Variants in TRPM3 observed in about 807,000 individuals in gnomAD.
The protein encoded by TRPM3 is long transient receptor potential channel 3.
A neutral mutation model predicts 181.2 loss-of-function variants in TRPM3; 77 were observed. The ratio of observed to expected loss-of-function variants is 0.42; its 90% CI spans 0.35 to 0.51. TRPM3 has a LOEUF of 0.51. Ranked by LOEUF, TRPM3 falls within the 20% of genes least tolerant of loss-of-function variation. The pLI, the probability that TRPM3 is intolerant of heterozygous loss-of-function variation, is 0.01. For synonymous variants in TRPM3, 745 were observed against 796.4 expected, an observed-to-expected ratio of 0.94 and a Z score of 1.09; for missense variants, 1,759 against 2,196.7, an observed-to-expected ratio of 0.80 and a Z score of 3.98.
At chr9:71,257,791 GATA>G (rs781185890) in intron 1 of TRPM3, among the ~76,000 whole-genome samples, 3 of 152,124 alleles carry the variant, frequency 2.0e-5, no homozygotes, top group Non-Finnish European at 2.9e-5. Flanking sequence ...TAGGTCTTTT[GATA>G]ATGTCATCTC....
intron 22 of TRPM3, among the ~76,000 whole-genome samples, chr9:70,584,644 C>T (rs571795118): frequency 6.6e-6 from 1 of 152,232 alleles, no homozygotes; most frequent in African/African-American, 2.4e-5. Context: ...ACCACAACAT[C>T]GTATAATCAC....
At chr9:70,800,586 C>A (rs2131208670) in intron 6 of TRPM3, among the ~76,000 whole-genome samples, 2 of 152,304 alleles carry the variant, frequency 1.3e-5, no homozygotes, top group South Asian at 4.1e-4. Context: ...TCTTCTCAGC[C>A]TACTCGGTAT....
chr9:70,635,653 G>A (rs1294576511), intron 11 of TRPM3, among the ~76,000 whole-genome samples: 1 of 151,168 alleles, frequency 6.6e-6, no homozygotes, highest in Non-Finnish European at 1.5e-5. Flanking sequence ...TAAAGATGGG[G>A]GTCTCACTAT....
At chr9:71,210,103 C>G (rs1002498692) in intron 1 of TRPM3, among the ~76,000 whole-genome samples, 4 of 152,166 alleles carry the variant, frequency 2.6e-5, no homozygotes, top group African/African-American at 9.7e-5. Flanking sequence ...ACAGCCACTC[C>G]CCATGGCTCA....
intron 1 of TRPM3, among the ~76,000 whole-genome samples, chr9:71,128,227 G>T (rs2074164771): frequency 6.6e-6 from 1 of 152,076 alleles, no homozygotes; most frequent in Admixed American, 6.6e-5. Flanking sequence ...TTCCAATAAT[G>T]GGGTGTAAAA....
At chr9:70,938,968 AT>A (rs1361731458) in intron 1 of TRPM3, among the ~76,000 whole-genome samples, 8 of 151,880 alleles carry the variant, frequency 5.3e-5, no homozygotes, top group Non-Finnish European at 1.0e-4. Context: ...AAAAAAAAAA[AT>A]AAAAATAAAA....
At chr9:71,129,796 C>G (rs1326482172) in intron 1 of TRPM3, among the ~76,000 whole-genome samples, 1 of 152,142 alleles carries the variant, frequency 6.6e-6, no homozygotes, top group Non-Finnish European at 1.5e-5. Context: ...AACCTAACAC[C>G]AGAATCCTGC....
intron 7 of TRPM3, among the ~76,000 whole-genome samples, chr9:70,767,385 A>T (rs2079356449): frequency 6.6e-6 from 1 of 152,202 alleles, no homozygotes; most frequent in South Asian, 2.1e-4. Context: ...CACTAAGTTA[A>T]ATATAGAGAT....
chr9:70,918,130 A>C (rs1320482667), intron 1 of TRPM3, among the ~76,000 whole-genome samples: 9 of 152,228 alleles, frequency 5.9e-5, no homozygotes, highest in African/African-American at 2.2e-4. Flanking sequence ...ATATAAAGCA[A>C]TGATTATTAG....
chr9:70,538,362 C>A (rs1044775979), intron 25 of TRPM3, among the ~76,000 whole-genome samples: 2 of 152,200 alleles, frequency 1.3e-5, no homozygotes, highest in African/African-American at 4.8e-5. Context: ...AACTCCTGGG[C>A]TCAAGTGATC....
At chr9:71,287,065 T>G (rs1412333517) in intron 1 of TRPM3, among the ~76,000 whole-genome samples, 1 of 141,380 alleles carries the variant, frequency 7.1e-6, no homozygotes, top group East Asian at 2.0e-4. Context: ...ATTATATAAT[T>G]TATATATTAT....
At chr9:71,349,744 T>A (rs1161646575) in intron 1 of TRPM3, among the ~76,000 whole-genome samples, 1 of 152,056 alleles carries the variant, frequency 6.6e-6, no homozygotes, top group Non-Finnish European at 1.5e-5. Flanking sequence ...TATTAGACTA[T>A]GTTGTGAAAT....
chr9:71,031,467 G>A (rs1435727226), intron 1 of TRPM3, among the ~76,000 whole-genome samples: 1 of 152,130 alleles, frequency 6.6e-6, no homozygotes, highest in Non-Finnish European at 1.5e-5. Flanking sequence ...GAGAATGGAG[G>A]CATTACAGAT....
chr9:71,166,619 T>C (rs2076553489), intron 1 of TRPM3, among the ~76,000 whole-genome samples: 1 of 152,124 alleles, frequency 6.6e-6, no homozygotes, highest in Non-Finnish European at 1.5e-5. Flanking sequence ...AAATTCAACA[T>C]GGAAATTTTA....
chr9:71,124,637 T>C (rs1196312571), upstream of TRPM3, among the ~76,000 whole-genome samples: 2 of 152,214 alleles, frequency 1.3e-5, no homozygotes, highest in African/African-American at 4.8e-5. Flanking sequence ...TGATGAAATT[T>C]GAGCTCATTC....
At chr9:71,350,812 G>C (rs917138126) in intron 1 of TRPM3, among the ~76,000 whole-genome samples, 1 of 152,072 alleles carries the variant, frequency 6.6e-6, no homozygotes, top group African/African-American at 2.4e-5. Flanking sequence ...TTTATCTTTA[G>C]TCATACAGCA....
intron 1 of TRPM3, among the ~76,000 whole-genome samples, chr9:71,195,626 T>C (rs1346207319): frequency 1.3e-5 from 2 of 152,120 alleles, no homozygotes; most frequent in East Asian, 1.9e-4. Flanking sequence ...CAAAGGAATA[T>C]AAATTGTTCT....
At chr9:71,114,887 T>C (rs2134268328) in intron 1 of TRPM3, among the ~76,000 whole-genome samples, 1 of 152,192 alleles carries the variant, frequency 6.6e-6, no homozygotes, top group African/African-American at 2.4e-5. Flanking sequence ...TTCAATAGCA[T>C]AGAAAATTCT....
intron 20 of TRPM3, among the ~76,000 whole-genome samples, chr9:70,602,935 T>G (rs866199027): frequency 6.6e-6 from 1 of 151,812 alleles, no homozygotes; most frequent in Non-Finnish European, 1.5e-5. Context: ...GAAAGCAGAG[T>G]TCCTCCTAAA....
Sources: gnomAD v4.1 joint callset for allele counts (sites outside exome capture counted in the v4.1 genomes callset) on GRCh38, gnomAD v4.1.1 for gene constraint, MANE v1.5 for transcripts, NCBI Gene and HGNC (gene_info 2026-07-23, HGNC 2026-07-21) for gene names.